CELF4: variants seen among roughly 807,000 people sequenced by gnomAD.
The protein encoded by CELF4 is CUGBP Elav-like family member 4.
CELF4 carries 18 observed loss-of-function variants against 59.9 expected under a neutral mutation model. That is an observed-to-expected ratio of 0.30 (90% CI 0.21 to 0.45). The LOEUF (loss-of-function observed/expected upper bound fraction) is 0.45, where lower values mean the gene tolerates loss of function less well. Among genes scored for constraint, CELF4 ranks in the 20% least tolerant of loss-of-function variants. CELF4 has a pLI of 1.00. For synonymous variants in CELF4, 261 were observed against 267.1 expected, an observed-to-expected ratio of 0.98 and a Z score of 0.22; for missense variants, 456 against 689.0, an observed-to-expected ratio of 0.66 and a Z score of 3.79.
Position 37,244,662 on chromosome 18 carries a change from A to AG in CELF4, c.*579dup, listed in dbSNP as rs1183502092. On this transcript the variant is annotated 3_prime_UTR_variant, in exon 13 of 13. Coordinates refer to ENST00000420428, the MANE Select transcript of CELF4 (RefSeq NM_020180.4). Reference sequence around the variant, plus strand: ...CAAGAACAGCCATGAGGCAGGAAGGAGGGGGTCCTCCATTCCCCCTCTATT... The same window carrying AG: ...CAAGAACAGCCATGAGGCAGGAAGGAGGGGGGTCCTCCATTCCCCCTCTATT... The AG allele has an allele frequency of 6.6e-6, 1 of 152,358 alleles. No homozygotes were observed. The highest frequency in any genetic ancestry group is 2.4e-5 in the African/African-American group (1 of 41,380). The allele number at this position is 152,358 out of a possible 1,614,324, so 9.4% of individuals were successfully genotyped here. A position where few individuals can be genotyped will look rare whatever the true frequency, so the allele number is the denominator to read the frequency against.
chr18:37,482,073 CAT>C (rs1208798413), intron 2 of CELF4, among the ~76,000 whole-genome samples: 5 of 151,920 alleles, frequency 3.3e-5, no homozygotes, highest in Admixed American at 3.3e-4. Flanking sequence ...TTTATAGTAA[CAT>C]GTGCTGTCTT....
At chr18:37,276,327 C>T (rs942117359) in intron 3 of CELF4, 1 of 152,244 alleles carries the variant, frequency 6.6e-6, no homozygotes, top group Non-Finnish European at 1.5e-5. Context: ...GTGACTGCCA[C>T]TCCTCTCACT....
chr18:37,347,475 A>C (rs1478831094), intron 2 of CELF4, among the ~76,000 whole-genome samples: 2 of 152,062 alleles, frequency 1.3e-5, no homozygotes, highest in Non-Finnish European at 2.9e-5. Flanking sequence ...TTTATTCTGG[A>C]AAGTGTCCCA....
chr18:37,427,692 G>A (rs1392185277), intron 2 of CELF4, among the ~76,000 whole-genome samples: 1 of 152,178 alleles, frequency 6.6e-6, no homozygotes, highest in Non-Finnish European at 1.5e-5. Context: ...TCCTGCTCAA[G>A]GCCCTGGGTT....
chr18:37,422,762 G>A (rs1786825), intron 2 of CELF4, among the ~76,000 whole-genome samples: 27,842 of 152,162 alleles, frequency 0.18, 3,047 homozygotes, highest in Middle Eastern at 0.33. Context: ...GGGAAGCCAT[G>A]CCTTGTTATT....
intron 1 of CELF4, among the ~76,000 whole-genome samples, chr18:37,514,144 A>G (rs1406208100): frequency 1.3e-5 from 2 of 151,952 alleles, no homozygotes; most frequent in East Asian, 3.9e-4. Flanking sequence ...CTCTTTCTGC[A>G]TTTCCTGTAC....
rs577507038 is a variant in CELF4, at chr18:37,353,200, A to G, written c.370-31319T>C. Among the ~76,000 whole-genome samples the G allele has an allele frequency of 7.3e-3, 995 of 135,984 alleles. 5 individuals are homozygous for G. Among genetic ancestry groups the G allele is most frequent in the Middle Eastern group, 0.015 (4 of 274 alleles). 89.2% of individuals were successfully genotyped at this position (135,984 alleles called of 152,430 possible). Reference sequence around the variant, plus strand: ...TGCGCCACTGCACTCCAGCCTGGGCAACAGAGTGAGACTCCGTCTCAAAAA... The same window carrying G: ...TGCGCCACTGCACTCCAGCCTGGGCGACAGAGTGAGACTCCGTCTCAAAAA... On this transcript the variant is annotated intron_variant, in intron 2 of 12. Transcript: ENST00000420428.
intron 3 of CELF4, among the ~76,000 whole-genome samples, chr18:37,284,000 CCCA>C (rs1235515091): frequency 5.8e-3 from 2 of 344 alleles, no homozygotes; most frequent in Non-Finnish European, 0.012. Flanking sequence ...AACACACAAA[CCCA>C]ACCACTCAAC....
intron 1 of CELF4, among the ~76,000 whole-genome samples, chr18:37,539,227 A>G (rs1209398965): frequency 6.6e-6 from 1 of 152,184 alleles, no homozygotes; most frequent in Non-Finnish European, 1.5e-5. Flanking sequence ...ATCTCATGTA[A>G]TGCTTCTAAT....
chr18:37,485,177 A>C (rs2099878172), intron 2 of CELF4, among the ~76,000 whole-genome samples: 1 of 150,758 alleles, frequency 6.6e-6, no homozygotes. Context: ...CTCCTCCCCC[A>C]CTAGAGCGGC....
At chr18:37,304,079 T>C (rs1181095243) in intron 3 of CELF4, among the ~76,000 whole-genome samples, 1 of 152,218 alleles carries the variant, frequency 6.6e-6, no homozygotes, top group Non-Finnish European at 1.5e-5. Context: ...CTGAATTTTT[T>C]TGAACAGACT....
chr18:37,550,084 G>GGT (rs566946633), intron 1 of CELF4, among the ~76,000 whole-genome samples: 7 of 58,796 alleles, frequency 1.2e-4, no homozygotes, highest in African/African-American at 9.1e-4. Flanking sequence ...TCCAATGGGT[G>GGT]GGGGGGGGGG....
chr18:37,348,973 C>G (rs1490669201), intron 2 of CELF4, among the ~76,000 whole-genome samples: 2 of 152,142 alleles, frequency 1.3e-5, no homozygotes, highest in Non-Finnish European at 2.9e-5. Flanking sequence ...GCAGGCTGAT[C>G]AAACTGGCCC....
chr18:37,341,235 A>G (rs1000315431), intron 2 of CELF4, among the ~76,000 whole-genome samples: 7 of 152,200 alleles, frequency 4.6e-5, no homozygotes, highest in Non-Finnish European at 1.5e-5. Context: ...TGGAGGGGAC[A>G]GCAGGTTGGG....
At chr18:37,440,410 C>T (rs1403425998) in intron 2 of CELF4, among the ~76,000 whole-genome samples, 1 of 152,202 alleles carries the variant, frequency 6.6e-6, no homozygotes, top group Non-Finnish European at 1.5e-5. Flanking sequence ...CAGTTTGTCT[C>T]AGGCCCAGTG....
chr18:37,488,953 TG>T (rs2099889777), intron 1 of CELF4, among the ~76,000 whole-genome samples: 1 of 152,190 alleles, frequency 6.6e-6, no homozygotes, highest in Non-Finnish European at 1.5e-5. Context: ...CAGAAGCTTG[TG>T]GGGAGACCTA....
intron 1 of CELF4, among the ~76,000 whole-genome samples, chr18:37,539,450 CACACACACACACACACACACAA>C (rs2099976046): frequency 1.7e-5 from 2 of 114,846 alleles, no homozygotes; most frequent in Non-Finnish European, 3.5e-5. Flanking sequence ...ACCTCTAAGA[CACACACACACACACACACACAA>C]ACACACACAC....
At chr18:37,487,052 C>T (rs1338987539) in intron 1 of CELF4, among the ~76,000 whole-genome samples, 1 of 152,182 alleles carries the variant, frequency 6.6e-6, no homozygotes, top group Non-Finnish European at 1.5e-5. Context: ...ACCTCGTGGC[C>T]CAAGCCCTCC....
intron 2 of CELF4, among the ~76,000 whole-genome samples, chr18:37,455,097 A>T (rs932580976): frequency 1.3e-5 from 2 of 152,118 alleles, no homozygotes; most frequent in Non-Finnish European, 2.9e-5. Context: ...CTCCCTCTCC[A>T]CTCAAAACCT....
Sources: gnomAD v4.1 joint callset for allele counts (sites outside exome capture counted in the v4.1 genomes callset) on GRCh38, gnomAD v4.1.1 for gene constraint, MANE v1.5 for transcripts, NCBI Gene and HGNC (gene_info 2026-07-23, HGNC 2026-07-21) for gene names.